Variants in ESPNL observed in about 807,000 individuals in gnomAD.
ESPNL encodes the protein espin-like protein.
A neutral mutation model predicts 46.8 loss-of-function variants in ESPNL; 49 were observed. That is an observed-to-expected ratio of 1.05 (90% CI 0.83 to 1.33). ESPNL has a LOEUF of 1.33. ESPNL is among the 40% of genes most tolerant of loss of function. The probability of loss-of-function intolerance (pLI) is 0.00; values close to 1 mark genes in which losing one functional copy is unlikely to be tolerated. For missense variants in ESPNL, 1,540 were observed against 1,436.6 expected (o/e 1.07, Z -1.16); for synonymous variants, 664 against 662.1 (o/e 1.00, Z -0.04).
In ESPNL at chr2:238,128,704, C is replaced by G. The variant is rs1451893304; in HGVS notation, c.1216-3C>G. 2 of 1,596,528 alleles carry G rather than the reference C, an allele frequency of 1.3e-6. No individual in the cohort carries two copies. The highest frequency in any genetic ancestry group is 2.3e-5 in the South Asian group (2 of 87,960). Reference sequence around the variant, plus strand: ...CCTGTGTGACCCACCCCCTTCTGCACAGGGGACAGAGACGGCGCTGGCGGG... The same window carrying G: ...CCTGTGTGACCCACCCCCTTCTGCAGAGGGGACAGAGACGGCGCTGGCGGG... On this transcript the variant is annotated splice_region_variant and splice_polypyrimidine_tract_variant and intron_variant, in intron 7 of 8. Transcript: ENST00000343063.
At chr2:238,106,720 GGTCCTGAGGGAGGGAAACAGGGT>G (rs139640418) in intron 3 of ESPNL, among the ~76,000 whole-genome samples, 43,182 of 151,918 alleles carry the variant, frequency 0.28, 9,834 homozygotes, top group African/African-American at 0.62. Flanking sequence ...CACCACAGGG[GGTCCTGAGGGAGGGAAACAGGGT>G]GTCCACTGAA....
intron 4 of ESPNL, among the ~76,000 whole-genome samples, chr2:238,108,930 C>G (rs1235781395): frequency 2.0e-5 from 3 of 152,170 alleles, no homozygotes; most frequent in African/African-American, 7.2e-5. Flanking sequence ...CAGAGGAAAC[C>G]CAATCCCCCC....
chr2:238,115,086 C>G (rs777419163), intron 4 of ESPNL, among the ~76,000 whole-genome samples: 1 of 151,914 alleles, frequency 6.6e-6, no homozygotes, highest in African/African-American at 2.4e-5. Flanking sequence ...GTGGTTCTGG[C>G]TCTGGTCTTG....
chr2:238,102,621 A>G (rs62196016), intron 2 of ESPNL, among the ~76,000 whole-genome samples: 47,776 of 152,038 alleles, frequency 0.31, 9,626 homozygotes, highest in Non-Finnish European at 0.44. Flanking sequence ...CGCTGGCCTC[A>G]TCGTCTCTGG....
chr2:238,106,606 C>T (rs775695184), intron 3 of ESPNL, among the ~76,000 whole-genome samples: 39 of 152,256 alleles, frequency 2.6e-4, no homozygotes, highest in Non-Finnish European at 5.1e-4. Flanking sequence ...CCCTTTGCCC[C>T]TCCAGCAGTT....
chr2:238,101,168 C>T (rs1225305064), intron 1 of ESPNL, among the ~76,000 whole-genome samples: 1 of 152,198 alleles, frequency 6.6e-6, no homozygotes, highest in Non-Finnish European at 1.5e-5. Context: ...CCCCCCTCCC[C>T]TATCCTGCCT....
intron 5 of ESPNL, among the ~76,000 whole-genome samples, chr2:238,118,359 AG>A (rs1196651974): frequency 8.7e-6 from 1 of 114,598 alleles, no homozygotes; most frequent in Admixed American, 8.6e-5. Context: ...TGGATGGAGG[AG>A]GAATGGATGG....
Position 238,117,269 on chromosome 2 carries a change from A to T in ESPNL, c.987+235A>T, listed in dbSNP as rs568194435. Among the ~76,000 whole-genome samples, 533 of 152,290 alleles carry T rather than the reference A, an allele frequency of 3.5e-3. 1 individual carries two copies. The highest frequency in any genetic ancestry group is 6.4e-3 in the Admixed American group (98 of 15,302). On this transcript the variant is annotated intron_variant, in intron 5 of 8. Coordinates refer to ENST00000343063, the MANE Select transcript of ESPNL (RefSeq NM_194312.4). Reference sequence around the variant, plus strand: ...GACAGGGGCCAGGACAGGGGCTGTGACAGGGGTGGGGCCAGGGCTGTGACA... The same window carrying T: ...GACAGGGGCCAGGACAGGGGCTGTGTCAGGGGTGGGGCCAGGGCTGTGACA...
chr2:238,106,887 G>C (rs1002005665), intron 3 of ESPNL, among the ~76,000 whole-genome samples: 1 of 152,234 alleles, frequency 6.6e-6, no homozygotes, highest in African/African-American at 2.4e-5. Context: ...TCTGTTTCCA[G>C]CTCATTGTGC....
chr2:238,120,682 G>A (rs1455271196), intron 5 of ESPNL, among the ~76,000 whole-genome samples: 2 of 152,254 alleles, frequency 1.3e-5, no homozygotes, highest in Admixed American at 6.5e-5. Context: ...AGGGACTGGA[G>A]CCTGTCTCCG....
intron 4 of ESPNL, among the ~76,000 whole-genome samples, chr2:238,111,930 A>G (rs1303504231): frequency 6.6e-6 from 1 of 152,196 alleles, no homozygotes; most frequent in Non-Finnish European, 1.5e-5. Context: ...CATTTTGTTT[A>G]GGATTTTTGG....
intron 6 of ESPNL, among the ~76,000 whole-genome samples, chr2:238,126,794 T>TTGGGTATGTCTGTTCTGTGTC (rs1692132731): frequency 6.6e-6 from 1 of 151,476 alleles, no homozygotes; most frequent in South Asian, 2.1e-4. Context: ...GTGATTGTGT[T>TTGGGTATGTCTGTTCTGTGTC]TGTGTATGTC....
In ESPNL at chr2:238,130,652, G is replaced by A; in HGVS notation, c.1938G>A (p.Gln646=). The change falls in exon 9 of 9, where the codon CAG becomes CAA. Residue 646 remains glutamine, a synonymous_variant. Transcript: ENST00000343063. ...GGAGCGAGGCCCAGCGCCAGATCCA[G>A]GAGTGGGGGGTGTCTGTGCGGACGC... ...PPRSEAQRQI[Q]EWGVSVRTLR... is the part of the protein sequence containing the mutation. The A allele has an allele frequency of 6.4e-7, 1 of 1,561,404 alleles. No homozygotes were observed. The highest frequency in any genetic ancestry group is 8.7e-7 in the Non-Finnish European group (1 of 1,153,104).
chr2:238,131,184 C>T lies in ESPNL; in HGVS notation c.2470C>T (p.Arg824Trp), dbSNP rs557397670. ...GGCTCACGTGCCCGCCCGGCAGCTG[C>T]GGCGGCTGAGCCGGCAGCCCCGCGG... is the stretch of plus-strand genomic sequence containing the variant. ...IMAHVPARQLRRLSRQPRGAL... is the reference protein window; with the variant it reads ...IMAHVPARQLWRLSRQPRGAL... The change falls in exon 9 of 9, where the codon CGG (arginine) becomes TGG (tryptophan). Residue 824 changes from arginine to tryptophan, a missense_variant. Coordinates refer to ENST00000343063, the MANE Select transcript of ESPNL (RefSeq NM_194312.4). The T allele has an allele frequency of 3.8e-5, 58 of 1,544,432 alleles. No homozygotes were observed. The highest frequency in any genetic ancestry group is 9.8e-5 in the East Asian group (4 of 40,974).
At chr2:238,121,075 G>A (rs1691977065) in intron 5 of ESPNL, among the ~76,000 whole-genome samples, 6 of 152,104 alleles carry the variant, frequency 3.9e-5, no homozygotes, top group South Asian at 2.1e-4. Flanking sequence ...CGCCCAGCTC[G>A]GGCTCTGCTC....
In ESPNL at chr2:238,130,903, G is replaced by T. The variant is rs1331100550; in HGVS notation, c.2189G>T (p.Gly730Val). 1.9e-6 allele frequency: 3 copies of T among 1,546,490 alleles called. No individual in the cohort carries two copies. Among genetic ancestry groups the T allele is most frequent in the Non-Finnish European group, 2.6e-6 (3 of 1,146,408 alleles). ...EVPSEAGAAA[G>V]PDLASLRKER... ...CCATCAGAGGCGGGTGCCGCAGCCGGCCCAGACCTGGCCAGCCTGCGCAAG... is the reference window on the plus strand; with the variant it reads ...CCATCAGAGGCGGGTGCCGCAGCCGTCCCAGACCTGGCCAGCCTGCGCAAG... The change falls in exon 9 of 9, where the codon GGC becomes GTC. Residue 730 changes from glycine (G) to valine (V), a missense_variant. By Grantham distance (109) the Gly-to-Val change is moderately radical (BLOSUM62 -3). Coordinates refer to ENST00000343063, the MANE Select transcript of ESPNL (RefSeq NM_194312.4).
chr2:238,128,663 C>T, intron 7 of ESPNL, 44 bp from the exon 8 acceptor site: 1 of 1,539,264 alleles, frequency 6.5e-7, no homozygotes, highest in South Asian at 1.2e-5. Flanking sequence ...CACTCAGGGC[C>T]TGGGTCCCCT....
intron 5 of ESPNL, among the ~76,000 whole-genome samples, chr2:238,124,866 CGT>C (rs1268677806): frequency 2.6e-5 from 4 of 151,952 alleles, no homozygotes; most frequent in African/African-American, 4.8e-5. Context: ...AGCATACATG[CGT>C]GTGTGTGCAT....
At chr2:238,120,405 C>A (rs1325218745) in intron 5 of ESPNL, among the ~76,000 whole-genome samples, 4 of 152,238 alleles carry the variant, frequency 2.6e-5, no homozygotes, top group Non-Finnish European at 4.4e-5. Context: ...CCCCGCCCGA[C>A]CTCCTGGGAG....
Sources: gnomAD v4.1 joint callset for allele counts (sites outside exome capture counted in the v4.1 genomes callset) on GRCh38, gnomAD v4.1.1 for gene constraint, MANE v1.5 for transcripts, NCBI Gene and HGNC (gene_info 2026-07-23, HGNC 2026-07-21) for gene names.